The following KCNJ3 variants were observed in gnomAD, a reference collection of about 807,000 sequenced individuals.
KCNJ3 encodes potassium inwardly rectifying channel subfamily J member 3, also known as G protein-activated inward rectifier potassium channel 1.
In KCNJ3, 4 loss-of-function variants were observed where a neutral mutation model predicts 39.2. The ratio of observed to expected loss-of-function variants is 0.10; its 90% confidence interval spans 0.05 to 0.23. KCNJ3 has a LOEUF of 0.23. Ranked by LOEUF, KCNJ3 falls within the 10% of genes least tolerant of loss-of-function variation. The pLI is 1.00. For missense variants in KCNJ3, 276 were observed against 634.9 expected (o/e 0.43, Z 6.08); for synonymous variants, 230 against 237.4 (o/e 0.97, Z 0.29).
At chr2:154,814,683 T>G (rs570140644) in intron 2 of KCNJ3, among the ~76,000 whole-genome samples, 1 of 152,194 alleles carries the variant, frequency 6.6e-6, no homozygotes, top group East Asian at 1.9e-4. Context: ...TGAAGTATGT[T>G]AAGGGAGGAA....
chr2:154,759,016 C>T (rs1330135480), intron 2 of KCNJ3, among the ~76,000 whole-genome samples: 2 of 152,112 alleles, frequency 1.3e-5, no homozygotes, highest in East Asian at 3.8e-4. Context: ...AACAGAAAAA[C>T]AAGTTTCATA....
intron 2 of KCNJ3, among the ~76,000 whole-genome samples, chr2:154,781,391 A>G (rs1686434755): frequency 6.6e-6 from 1 of 152,196 alleles, no homozygotes; most frequent in South Asian, 2.1e-4. Flanking sequence ...AATTATTTAC[A>G]TGAAGTTTGC....
intron 2 of KCNJ3, among the ~76,000 whole-genome samples, chr2:154,760,140 C>A (rs1558866772): frequency 6.6e-6 from 1 of 152,178 alleles, no homozygotes; most frequent in African/African-American, 2.4e-5. Flanking sequence ...TCCTAACCAG[C>A]ACCTGGTGTT....
chr2:154,817,355 T>G (rs1351703333), intron 2 of KCNJ3, among the ~76,000 whole-genome samples: 1 of 152,162 alleles, frequency 6.6e-6, no homozygotes, highest in Admixed American at 6.6e-5. Flanking sequence ...GCACAGGGAT[T>G]ACTTAGTAAT....
chr2:154,788,014 C>T (rs1307631791), intron 2 of KCNJ3, among the ~76,000 whole-genome samples: 1 of 152,074 alleles, frequency 6.6e-6, no homozygotes, highest in Non-Finnish European at 1.5e-5. Context: ...TCTGTCCACA[C>T]CCATTTATTC....
chr2:154,852,943 GA>G lies in KCNJ3; in HGVS notation c.920-1783del, dbSNP rs1687780498. On this transcript the variant is annotated intron_variant, in intron 2 of 2. Coordinates refer to ENST00000295101, the MANE Select transcript of KCNJ3 (RefSeq NM_002239.4). ...CTGAGTTCATAACTAAAATATTAGA[GA>G]CATTACGGCAAAGTAAAATAACAAC... is the stretch of plus-strand genomic sequence containing the variant. 4.6e-5 allele frequency among the ~76,000 whole-genome samples: 7 copies of G among 151,922 alleles called. No homozygotes were observed. In the South Asian group the frequency reaches 1.5e-3, roughly 32 times the overall value.
At chr2:154,738,277 AAGGG>A in intron 2 of KCNJ3, among the ~76,000 whole-genome samples, 1 of 152,180 alleles carries the variant, frequency 6.6e-6, no homozygotes, top group East Asian at 1.9e-4. Flanking sequence ...AGAGGCTGGG[AAGGG>A]AGGTGGGGAG....
intron 2 of KCNJ3, among the ~76,000 whole-genome samples, chr2:154,746,274 G>A (rs1685740662): frequency 6.6e-6 from 1 of 151,766 alleles, no homozygotes; most frequent in Admixed American, 6.6e-5. Flanking sequence ...CCGGTCAATG[G>A]TAGAGTGGTT....
rs187543544 is a variant in KCNJ3 at position 154,843,576 on chromosome 2, A to G, written c.920-11151A>G. Among the ~76,000 whole-genome samples the G allele has an allele frequency of 3.5e-3, 526 of 152,064 alleles. 2 individuals carry two copies. Among genetic ancestry groups the G allele is most frequent in the Middle Eastern group, 6.8e-3 (2 of 294 alleles). ...CTCCCCATCACTTTCAGGTACACCAATCAAATGTAGATTTGATCTTTTCAC... is the reference window on the plus strand; with the variant it reads ...CTCCCCATCACTTTCAGGTACACCAGTCAAATGTAGATTTGATCTTTTCAC... On this transcript the variant is annotated intron_variant, in intron 2 of 2. Transcript: ENST00000295101.
intron 2 of KCNJ3, among the ~76,000 whole-genome samples, chr2:154,724,206 C>T (rs1558856701): frequency 6.6e-6 from 1 of 151,852 alleles, no homozygotes; most frequent in Non-Finnish European, 1.5e-5. Flanking sequence ...TGACAATTTC[C>T]CATTAATAAA....
intron 2 of KCNJ3, among the ~76,000 whole-genome samples, chr2:154,794,013 A>G (rs1686681576): frequency 6.6e-6 from 1 of 151,914 alleles, no homozygotes; most frequent in South Asian, 2.1e-4. Flanking sequence ...TCAGCAATGT[A>G]ATGTGGAGGT....
At chr2:154,808,813 G>T (rs899658422) in intron 2 of KCNJ3, among the ~76,000 whole-genome samples, 2 of 152,176 alleles carry the variant, frequency 1.3e-5, no homozygotes, top group African/African-American at 4.8e-5. Context: ...TTACTAAAGT[G>T]TATGGATCAG....
intron 2 of KCNJ3, among the ~76,000 whole-genome samples, chr2:154,843,106 T>G (rs1204532264): frequency 6.6e-6 from 1 of 152,214 alleles, no homozygotes; most frequent in African/African-American, 2.4e-5. Flanking sequence ...AGTGCTTCCT[T>G]CAGGAGCTCT....
chr2:154,757,826 G>T (rs1685968242), intron 2 of KCNJ3, among the ~76,000 whole-genome samples: 1 of 152,210 alleles, frequency 6.6e-6, no homozygotes, highest in Admixed American at 6.5e-5. Flanking sequence ...AAAGGAGCAA[G>T]GGAGCTCCCT....
At chr2:154,726,792 T>TAC (rs1421883511) in intron 2 of KCNJ3, among the ~76,000 whole-genome samples, 19 of 101,382 alleles carry the variant, frequency 1.9e-4, no homozygotes, top group East Asian at 6.1e-4. Flanking sequence ...ACATTTTATA[T>TAC]ACATACACAC....
At chr2:154,747,364 G>A (rs756811841) in intron 2 of KCNJ3, among the ~76,000 whole-genome samples, 1 of 151,904 alleles carries the variant, frequency 6.6e-6, no homozygotes, top group East Asian at 1.9e-4. Context: ...AATTGAAAAG[G>A]TTTAATTAAC....
chr2:154,857,500 C>T lies in KCNJ3; in HGVS notation c.*2187C>T, dbSNP rs906335823. 1 of 151,996 alleles carries T rather than the reference C, an allele frequency of 6.6e-6. No homozygotes were observed. Among genetic ancestry groups the T allele is most frequent in the Non-Finnish European group, 1.5e-5 (1 of 67,986 alleles). The allele number at this position is 151,996 out of a possible 1,614,324, so 9.4% of individuals were successfully genotyped here. A position where few individuals can be genotyped will look rare whatever the true frequency, so the allele number is the denominator to read the frequency against. On this transcript the variant is annotated 3_prime_UTR_variant, in exon 3 of 3. Coordinates refer to ENST00000295101, the MANE Select transcript of KCNJ3 (RefSeq NM_002239.4). ...GGCTAAGTCAGAGAAGGCCATTGCT[C>T]ACCATGAACACTGTATACCAGAAGG...
At chr2:154,732,899 T>C (rs1025742714) in intron 2 of KCNJ3, among the ~76,000 whole-genome samples, 5 of 152,194 alleles carry the variant, frequency 3.3e-5, no homozygotes, top group African/African-American at 1.2e-4. Flanking sequence ...CTTTTATCAG[T>C]GATTTGTTTT....
intron 2 of KCNJ3, among the ~76,000 whole-genome samples, chr2:154,812,767 T>C (rs1440648622): frequency 6.6e-6 from 1 of 152,168 alleles, no homozygotes; most frequent in Non-Finnish European, 1.5e-5. Context: ...GGCTCTCCTA[T>C]AACGAGGTTA....
Sources: allele counts gnomAD v4.1 joint callset (sites outside exome capture counted in the v4.1 genomes callset), GRCh38; gene constraint gnomAD v4.1.1; transcripts MANE v1.5; gene names NCBI Gene and HGNC (gene_info 2026-07-23, HGNC 2026-07-21).